The following CFDP1 variants were observed in gnomAD, a reference collection of about 807,000 sequenced individuals.
CFDP1 encodes chromatin remodeling protein CFDP1.
A neutral mutation model predicts 40.1 loss-of-function variants in CFDP1; 31 were observed. The observed-to-expected ratio is 0.77, with a 90% confidence interval of 0.58 to 1.04. The LOEUF is 1.04. Ranked by LOEUF, CFDP1 falls within the 50% of genes least tolerant of loss-of-function variation. The pLI is 0.00. For synonymous variants in CFDP1, 167 were observed against 120.0 expected, an observed-to-expected ratio of 1.39 and a Z score of -2.56; for missense variants, 423 against 343.4, an observed-to-expected ratio of 1.23 and a Z score of -1.83.
intron 5 of CFDP1, among the ~76,000 whole-genome samples, chr16:75,375,424 G>A (rs2078784581): frequency 6.6e-6 from 1 of 152,158 alleles, no homozygotes. Context: ...ATGAAAAGAT[G>A]TCATTATTAT....
At chr16:75,330,281 G>A (rs1398166726) in intron 5 of CFDP1, among the ~76,000 whole-genome samples, 1 of 152,164 alleles carries the variant, frequency 6.6e-6, no homozygotes, top group Non-Finnish European at 1.5e-5. Flanking sequence ...GACAGCCTGA[G>A]GCTAGTTTTC....
At chr16:75,321,193 G>T (rs1472058634) in intron 5 of CFDP1, among the ~76,000 whole-genome samples, 1 of 152,142 alleles carries the variant, frequency 6.6e-6, no homozygotes, top group Non-Finnish European at 1.5e-5. Flanking sequence ...CTGAACTCCT[G>T]GGCTCAAGGG....
intron 5 of CFDP1, among the ~76,000 whole-genome samples, chr16:75,326,551 C>G (rs548174660): frequency 6.6e-6 from 1 of 152,364 alleles, no homozygotes; most frequent in South Asian, 2.1e-4. Flanking sequence ...CAAACTTCCT[C>G]TCTCGTTCAG....
At chr16:75,327,328 C>A (rs936825457) in intron 5 of CFDP1, among the ~76,000 whole-genome samples, 1 of 151,962 alleles carries the variant, frequency 6.6e-6, no homozygotes, top group East Asian at 1.9e-4. Flanking sequence ...ATCCAAGAAA[C>A]AGAGTTCCAC....
At chr16:75,335,559 T>TTA (rs2078481065) in intron 5 of CFDP1, among the ~76,000 whole-genome samples, 1 of 150,818 alleles carries the variant, frequency 6.6e-6, no homozygotes, top group Non-Finnish European at 1.5e-5. Flanking sequence ...TCTCCATTTT[T>TTA]TTTTTTTTTT....
chr16:75,300,434 C>T (rs1485231953), intron 6 of CFDP1, among the ~76,000 whole-genome samples: 2 of 152,126 alleles, frequency 1.3e-5, no homozygotes, highest in Non-Finnish European at 2.9e-5. Flanking sequence ...ATTACAGGTG[C>T]CCACCACCAC....
intron 5 of CFDP1, among the ~76,000 whole-genome samples, chr16:75,347,364 AG>A (rs1196566438): frequency 1.2e-5 from 1 of 84,374 alleles, no homozygotes; most frequent in African/African-American, 6.4e-5. Context: ...AAAAAAAAAA[AG>A]AAAAAGAAAA....
chr16:75,377,374 A>T lies in CFDP1; in HGVS notation c.650+17716T>A, dbSNP rs767242486. On this transcript the variant is annotated intron_variant, in intron 5 of 6. Coordinates refer to ENST00000283882, the MANE Select transcript of CFDP1 (RefSeq NM_006324.3). ...TTAAAATGCTCTCCATCATTCTTCT[A>T]CCACTATATTGGTGTGAGTCCACAC... Among the ~76,000 whole-genome samples the T allele has an allele frequency of 2.0e-5, 3 of 152,222 alleles. No homozygotes were observed. The East Asian group carries it at 5.8e-4, about 29-fold the overall frequency.
chr16:75,347,359 A>AGAAAG (rs1555556965), intron 5 of CFDP1, among the ~76,000 whole-genome samples: 2 of 53,670 alleles, frequency 3.7e-5, no homozygotes, highest in South Asian at 9.0e-4. Context: ...AAAAAAAAAA[A>AGAAAG]AAAAAGAAAA....
intron 6 of CFDP1, among the ~76,000 whole-genome samples, chr16:75,301,573 G>GA (rs1379458550): frequency 4.0e-4 from 38 of 95,570 alleles, no homozygotes; most frequent in African/African-American, 1.7e-3. Flanking sequence ...TTGGTAAAGA[G>GA]ACCGGGTCTT....
chr16:75,317,286 T>A (rs1265531744), intron 5 of CFDP1, among the ~76,000 whole-genome samples: 1 of 152,256 alleles, frequency 6.6e-6, no homozygotes. Context: ...TTCCCCTTTG[T>A]CCACTCAAAT....
chr16:75,294,087 A>C, intron 6 of CFDP1, 45 bp from the exon 7 acceptor site: 1 of 1,460,372 alleles, frequency 6.8e-7, no homozygotes, highest in Non-Finnish European at 9.6e-7. Context: ...CAGTAGGAAA[A>C]ACTCCTCCCC....
At chr16:75,324,173 C>A (rs1262311334) in intron 5 of CFDP1, among the ~76,000 whole-genome samples, 1 of 151,784 alleles carries the variant, frequency 6.6e-6, no homozygotes, top group Non-Finnish European at 1.5e-5. Context: ...AACCATTACA[C>A]AGGAAGTGCA....
At chr16:75,393,535 T>C (rs946806337) in intron 5 of CFDP1, among the ~76,000 whole-genome samples, 1 of 151,634 alleles carries the variant, frequency 6.6e-6, no homozygotes, top group African/African-American at 2.4e-5. Flanking sequence ...ATCGAGACCA[T>C]CCTGGCTAAC....
Position 75,373,723 on chromosome 16 carries a change from C to T in CFDP1, c.650+21367G>A, listed in dbSNP as rs192154097. Among the ~76,000 whole-genome samples the T allele has an allele frequency of 3.5e-4, 54 of 152,198 alleles. No individual in the cohort carries two copies. In the East Asian group the frequency reaches 7.9e-3, roughly 22 times the overall value. On this transcript the variant is annotated intron_variant, in intron 5 of 6. Transcript: ENST00000283882. ...GCCCTGGCTGGTCTGAAACTCCTGG[C>T]TACAAGACTGTATTCTGCTCTAGAT...
Position 75,305,044 on chromosome 16 carries a change from G to A in CFDP1, c.789C>T (p.Ile263=). 1 of 1,613,916 alleles carries A rather than the reference G, an allele frequency of 6.2e-7. No individual in the cohort carries two copies. The highest frequency in any genetic ancestry group is 8.5e-7 in the Non-Finnish European group (1 of 1,179,960). The part of the protein sequence containing the change: ...EEEGIGEELA[I]HNRGKEGYIE... ...CTTACCCCTCTTTCCCTCGATTATG[G>A]ATGGCCAGTTCTTCACCAATCCCCT... is the stretch of plus-strand genomic sequence containing the variant. Residue 263 remains isoleucine (I), a synonymous_variant, in exon 6 of 7, where the codon ATC becomes ATT. Transcript: ENST00000283882.
Position 75,329,409 on chromosome 16 carries a change from T to G in CFDP1, c.651-24227A>C, listed in dbSNP as rs560448153. On this transcript the variant is annotated intron_variant, in intron 5 of 6. Transcript: ENST00000283882. Reference sequence around the variant, plus strand: ...CAATTGTACAGTACATTCTGACTTTTCAAATTATGCATCCGTGTGACTTTG... The same window carrying G: ...CAATTGTACAGTACATTCTGACTTTGCAAATTATGCATCCGTGTGACTTTG... Among the ~76,000 whole-genome samples, 188 of 152,326 alleles carry G rather than the reference T, an allele frequency of 1.2e-3. 1 individual carries two copies. Among genetic ancestry groups the G allele is most frequent in the African/African-American group, 4.4e-3 (182 of 41,572 alleles).
At chr16:75,374,544 T>C (rs1050795049) in intron 5 of CFDP1, among the ~76,000 whole-genome samples, 9 of 150,920 alleles carry the variant, frequency 6.0e-5, no homozygotes, top group African/African-American at 9.8e-5. Context: ...GGGCGGGGCA[T>C]AGTGGCTCAC....
chr16:75,431,454 CAAAAA>C (rs60902612), intron 1 of CFDP1, among the ~76,000 whole-genome samples: 72 of 59,598 alleles, frequency 1.2e-3, no homozygotes, highest in African/African-American at 4.4e-3. Flanking sequence ...ACTCTTGTCT[CAAAAA>C]AAAAAAAAAA....
Sources: allele counts gnomAD v4.1 joint callset (sites outside exome capture counted in the v4.1 genomes callset), GRCh38; gene constraint gnomAD v4.1.1; transcripts MANE v1.5; gene names NCBI Gene and HGNC (gene_info 2026-07-23, HGNC 2026-07-21).